The following CEP162 variants were observed in gnomAD, a reference collection of about 807,000 sequenced individuals.
The protein encoded by CEP162 is centrosomal protein 162.
In CEP162, 141 loss-of-function variants were observed where a neutral mutation model predicts 169.2. That is an observed-to-expected ratio of 0.83 (90% CI 0.73 to 0.96). CEP162 has a LOEUF of 0.96. CEP162 is among the 40% of genes least tolerant of loss of function. The pLI, the probability that CEP162 is intolerant of heterozygous loss-of-function variation, is 0.00. For synonymous variants in CEP162, 540 were observed against 526.4 expected, an observed-to-expected ratio of 1.03 and a Z score of -0.35; for missense variants, 1,600 against 1,587.2, an observed-to-expected ratio of 1.01 and a Z score of -0.14.
Position 84,156,694 on chromosome 6 carries a change from C to A in CEP162, c.2782-1184G>T, listed in dbSNP as rs183972580. On this transcript the variant is annotated intron_variant, in intron 21 of 26. Transcript: ENST00000403245. ...AGACCTAAAAAGAGAACCACTTGAT[C>A]CAGCAATTCCACTACTAGGATTGAA... Among the ~76,000 whole-genome samples the A allele has an allele frequency of 2.0e-5, 3 of 150,892 alleles. No individual in the cohort carries two copies. The East Asian group carries it at 5.8e-4, about 29-fold the overall frequency.
Position 84,209,591 on chromosome 6 carries a change from T to C in CEP162, c.571+3366A>G, listed in dbSNP as rs148899466. ...GATTTCACCATGTTGGCCAGGCTGA[T>C]CTCAAACTCCTGATGTCAGGTGATC... On this transcript the variant is annotated intron_variant, in intron 6 of 26. Transcript: ENST00000403245. Among the ~76,000 whole-genome samples the C allele has an allele frequency of 3.4e-3, 521 of 152,090 alleles. 3 individuals carry two copies. The highest frequency in any genetic ancestry group is 0.012 in the African/African-American group (480 of 41,486).
chr6:84,163,015 AAT>A, intron 19 of CEP162, 127 bp downstream of exon 19: 1 of 886,730 alleles, frequency 1.1e-6, no homozygotes, highest in South Asian at 2.2e-5. Flanking sequence ...AATTTTAAAA[AAT>A]GTTTCTAAAA....
intron 6 of CEP162, among the ~76,000 whole-genome samples, chr6:84,210,626 G>A (rs2099549075): frequency 6.6e-6 from 1 of 152,164 alleles, no homozygotes; most frequent in Admixed American, 6.5e-5. Flanking sequence ...GAGAGGAGGT[G>A]CCTAAGTGAA....
chr6:84,217,232 A>T (rs959657703), intron 3 of CEP162, among the ~76,000 whole-genome samples: 1 of 152,230 alleles, frequency 6.6e-6, no homozygotes, highest in African/African-American at 2.4e-5. Context: ...CAATAAGTAA[A>T]ATAAGTAAGC....
chr6:84,226,533 G>T (rs2127762050), intron 1 of CEP162, 81 bp from the exon 2 acceptor site: 1 of 662,920 alleles, frequency 1.5e-6, no homozygotes, highest in Non-Finnish European at 2.6e-6. Context: ...TCGGACATTT[G>T]TTATGATTCA....
intron 25 of CEP162, among the ~76,000 whole-genome samples, chr6:84,134,080 A>G (rs777844559): frequency 2.0e-5 from 3 of 152,218 alleles, no homozygotes; most frequent in African/African-American, 4.8e-5. Flanking sequence ...CTAGAGAGGC[A>G]TTCCGGCTAT....
At chr6:84,132,601 A>C (rs1019934771) in intron 25 of CEP162, among the ~76,000 whole-genome samples, 19 of 152,092 alleles carry the variant, frequency 1.2e-4, no homozygotes, top group African/African-American at 4.1e-4. Flanking sequence ...TTTGATCTTC[A>C]ATCACTGATA....
chr6:84,178,045 C>T (rs2099533115), intron 13 of CEP162, among the ~76,000 whole-genome samples: 1 of 152,156 alleles, frequency 6.6e-6, no homozygotes, highest in Non-Finnish European at 1.5e-5. Flanking sequence ...ATTATTTCTG[C>T]ACTCTAGGAA....
chr6:84,225,917 A>C (rs4707035), intron 2 of CEP162, among the ~76,000 whole-genome samples: 115,626 of 151,990 alleles, frequency 0.76, 44,150 homozygotes, highest in East Asian at 0.83. Context: ...ATGAGCTTGC[A>C]ATGTCTGGGA....
chr6:84,177,427 G>A (rs1422199936), intron 13 of CEP162, among the ~76,000 whole-genome samples: 1 of 152,170 alleles, frequency 6.6e-6, no homozygotes, highest in Non-Finnish European at 1.5e-5. Context: ...CCCAGCTCAC[G>A]TGGCCTGTAT....
At chr6:84,171,782 T>A in intron 16 of CEP162, 64 bp from the exon 17 acceptor site, 2 of 625,300 alleles carry the variant, frequency 3.2e-6, no homozygotes, top group Non-Finnish European at 2.6e-6. Context: ...ACATAATATA[T>A]GTGCTCATAA....
At chr6:84,159,547 A>ATTTT (rs1166267578) in intron 21 of CEP162, among the ~76,000 whole-genome samples, 2 of 31,952 alleles carry the variant, frequency 6.3e-5, no homozygotes, top group Non-Finnish European at 1.0e-4. Context: ...ATATATATAT[A>ATTTT]TTTTTTTTTT....
chr6:84,219,130 C>T, intron 3 of CEP162: 1 of 1,257,356 alleles, frequency 8.0e-7, no homozygotes, highest in Non-Finnish European at 1.1e-6. Flanking sequence ...ATGCATTCCT[C>T]TTCTCAAGAG....
chr6:84,175,938 TAATA>T (rs2099532255), intron 13 of CEP162, among the ~76,000 whole-genome samples: 3 of 152,184 alleles, frequency 2.0e-5, no homozygotes, highest in African/African-American at 7.2e-5. Context: ...AAAAAGTGAT[TAATA>T]TATATTCTGT....
intron 21 of CEP162, among the ~76,000 whole-genome samples, chr6:84,156,743 G>GACACACACAC (rs71736099): frequency 0.036 from 4,578 of 125,600 alleles, 231 homozygotes; most frequent in African/African-American, 0.17. Flanking sequence ...GTATCAAAAA[G>GACACACACAC]ACACACACAC....
chr6:84,136,566 G>C (rs1324657491), intron 25 of CEP162, among the ~76,000 whole-genome samples: 3 of 152,174 alleles, frequency 2.0e-5, no homozygotes, highest in Non-Finnish European at 4.4e-5. Context: ...GTTAGTGGGA[G>C]ACATTATAGG....
intron 25 of CEP162, among the ~76,000 whole-genome samples, chr6:84,134,896 T>C (rs955410661): frequency 1.3e-5 from 2 of 148,784 alleles, no homozygotes; most frequent in East Asian, 4.0e-4. Flanking sequence ...TAAAGATATA[T>C]ACTGTCATGA....
Position 84,163,225 on chromosome 6 carries a change from C to T in CEP162, c.2431G>A (p.Asp811Asn), listed in dbSNP as rs1218542296. The T allele has an allele frequency of 1.2e-6, 2 of 1,611,614 alleles. No individual in the cohort carries two copies. The highest frequency in any genetic ancestry group is 3.3e-5 in the Admixed American group (2 of 59,910). ...AAGTCTACTTCAAGAGCTTGTTTGTCTTGTTTCAGTCTTTTGATGTCTTCC... is the reference window on the plus strand; with the variant it reads ...AAGTCTACTTCAAGAGCTTGTTTGTTTTGTTTCAGTCTTTTGATGTCTTCC... Reference protein sequence around the residue: ...LLEDIKRLKQDKQALEVDFEK... With the variant: ...LLEDIKRLKQNKQALEVDFEK... Residue 811 changes from aspartate (D) to asparagine (N), a missense_variant, in exon 19 of 27, where the codon GAC becomes AAC. Physicochemically the swap from Asp to Asn is conservative, Grantham distance 23 (BLOSUM62 1). Coordinates refer to ENST00000403245, the MANE Select transcript of CEP162 (RefSeq NM_014895.4).
chr6:84,219,760 A>G (rs1008383817), intron 3 of CEP162, among the ~76,000 whole-genome samples: 1 of 152,202 alleles, frequency 6.6e-6, no homozygotes, highest in Non-Finnish European at 1.5e-5. Flanking sequence ...TTATCATTTA[A>G]TGTTGAGGGT....
Sources: allele counts gnomAD v4.1 joint callset (sites outside exome capture counted in the v4.1 genomes callset), GRCh38; gene constraint gnomAD v4.1.1; transcripts MANE v1.5; gene names NCBI Gene and HGNC (gene_info 2026-07-23, HGNC 2026-07-21).